PCDH15: variants seen among roughly 807,000 people sequenced by gnomAD.
PCDH15 encodes the protein protocadherin related 15, also known as protocadherin-15.
PCDH15 carries 129 observed loss-of-function variants against 178.5 expected under a neutral mutation model. That is an observed-to-expected ratio of 0.72 (90% CI 0.63 to 0.84). The LOEUF is 0.84. Ranked by LOEUF, PCDH15 falls within the 40% of genes least tolerant of loss-of-function variation. The probability of loss-of-function intolerance (pLI) is 0.00; values close to 1 mark genes in which losing one functional copy is unlikely to be tolerated. For missense variants in PCDH15, 2,230 were observed against 2,099.9 expected (o/e 1.06, Z -1.21); for synonymous variants, 800 against 732.0 (o/e 1.09, Z -1.50).
At chr10:54,062,257 A>AAAAAAAAAAAAAAAG (rs2094042936) in intron 18 of PCDH15, among the ~76,000 whole-genome samples, 1 of 107,522 alleles carries the variant, frequency 9.3e-6, no homozygotes, top group Non-Finnish European at 2.0e-5. Flanking sequence ...AAAAAACAAA[A>AAAAAAAAAAAAAAAG]AACAACTAAA....
intron 1 of PCDH15, among the ~76,000 whole-genome samples, chr10:54,742,709 G>T (rs1023680061): frequency 1.3e-5 from 2 of 151,962 alleles, no homozygotes; most frequent in African/African-American, 2.4e-5. Flanking sequence ...TTTCTTTAAG[G>T]CCTGCATTCT....
At chr10:54,628,128 AT>A (rs1453173473) in intron 2 of PCDH15, among the ~76,000 whole-genome samples, 1 of 152,164 alleles carries the variant, frequency 6.6e-6, no homozygotes, top group Non-Finnish European at 1.5e-5. Context: ...CTGTATTTTC[AT>A]AAGTTAGCAC....
intron 2 of PCDH15, among the ~76,000 whole-genome samples, chr10:55,380,102 C>T (rs931394755): frequency 1.3e-5 from 2 of 151,988 alleles, no homozygotes; most frequent in Admixed American, 6.6e-5. Context: ...CCAGAACTCA[C>T]ATGAGAAAAA....
intron 2 of PCDH15, among the ~76,000 whole-genome samples, chr10:55,459,253 G>T (rs1160868981): frequency 1.3e-5 from 1 of 75,202 alleles, no homozygotes; most frequent in Non-Finnish European, 2.5e-5. Flanking sequence ...AAGAAGGAAA[G>T]AAAAAAATAA....
chr10:54,257,379 G>A (rs907896108), intron 8 of PCDH15, among the ~76,000 whole-genome samples: 18 of 146,962 alleles, frequency 1.2e-4, no homozygotes, highest in Non-Finnish European at 1.9e-4. Context: ...CATAGGAGCT[G>A]TGTGAAATAA....
chr10:55,197,385 TTAAA>T (rs1408226914), intron 1 of PCDH15, among the ~76,000 whole-genome samples: 1 of 152,086 alleles, frequency 6.6e-6, no homozygotes, highest in Non-Finnish European at 1.5e-5. Flanking sequence ...CAGATTTTGA[TTAAA>T]TTTTCTATTG....
At chr10:55,076,605 G>T (rs928065230) in intron 2 of PCDH15, among the ~76,000 whole-genome samples, 1 of 150,504 alleles carries the variant, frequency 6.6e-6, no homozygotes, top group African/African-American at 2.4e-5. Flanking sequence ...CCACCATGGC[G>T]GCTAATTATT....
chr10:54,092,066 A>G (rs559941857), intron 15 of PCDH15, among the ~76,000 whole-genome samples: 1 of 152,170 alleles, frequency 6.6e-6, no homozygotes, highest in East Asian at 1.9e-4. Context: ...GACGTACCTC[A>G]AAAAATAAAA....
intron 25 of PCDH15, among the ~76,000 whole-genome samples, chr10:53,928,497 GAATT>G (rs1210586349): frequency 2.0e-5 from 3 of 151,912 alleles, no homozygotes; most frequent in East Asian, 1.9e-4. Flanking sequence ...CAATAATGAA[GAATT>G]AATTCTGATA....
intron 2 of PCDH15, among the ~76,000 whole-genome samples, chr10:55,098,592 G>A (rs749666641): frequency 1.2e-4 from 18 of 152,112 alleles, no homozygotes; most frequent in African/African-American, 3.4e-4. Context: ...GCCAAGCCAC[G>A]CTTTCAGTAA....
chr10:55,144,263 C>T (rs1427811248), intron 2 of PCDH15, among the ~76,000 whole-genome samples: 10 of 104,432 alleles, frequency 9.6e-5, no homozygotes, highest in Admixed American at 1.7e-4. Flanking sequence ...TCTTGTATTA[C>T]GGCTGAGAAA....
intron 15 of PCDH15, among the ~76,000 whole-genome samples, chr10:54,091,860 T>C (rs1212746736): frequency 6.6e-6 from 1 of 152,164 alleles, no homozygotes; most frequent in East Asian, 1.9e-4. Flanking sequence ...ACTTCACTTA[T>C]TTAGTCAACT....
At chr10:55,209,343 G>C (rs549049670) in intron 1 of PCDH15, among the ~76,000 whole-genome samples, 2 of 152,202 alleles carry the variant, frequency 1.3e-5, no homozygotes, top group South Asian at 4.1e-4. Flanking sequence ...TCTGAAGAGA[G>C]AGATGACTTG....
At chr10:55,277,580 C>CA (rs1842625333) in intron 1 of PCDH15, among the ~76,000 whole-genome samples, 2 of 152,060 alleles carry the variant, frequency 1.3e-5, no homozygotes, top group African/African-American at 4.8e-5. Context: ...TTCCTGGAAG[C>CA]ATACAAAACT....
intron 10 of PCDH15, among the ~76,000 whole-genome samples, chr10:54,211,464 C>A (rs1309208619): frequency 6.6e-6 from 1 of 152,044 alleles, no homozygotes; most frequent in East Asian, 1.9e-4. Context: ...AGTTTGTGAA[C>A]TATTCCATTT....
chr10:54,134,803 C>A (rs185554779), intron 14 of PCDH15, among the ~76,000 whole-genome samples: 2 of 150,980 alleles, frequency 1.3e-5, no homozygotes, highest in African/African-American at 2.4e-5. Flanking sequence ...ACTAAAATTT[C>A]GTTTTATAGC....
At chr10:53,917,111 CTA>C (rs1403996463) in intron 25 of PCDH15, among the ~76,000 whole-genome samples, 1 of 152,012 alleles carries the variant, frequency 6.6e-6, no homozygotes, top group Admixed American at 6.6e-5. Flanking sequence ...AATGAAATAA[CTA>C]TTGGAAAACA....
At chr10:54,731,563 T>TATATATATAC in intron 1 of PCDH15, among the ~76,000 whole-genome samples, 1 of 49,882 alleles carries the variant, frequency 2.0e-5, no homozygotes, top group Non-Finnish European at 5.3e-5. Flanking sequence ...TATATATATA[T>TATATATATAC]ACACACACAC....
At chr10:55,215,209 T>C (rs1011449092) in intron 1 of PCDH15, among the ~76,000 whole-genome samples, 5 of 152,092 alleles carry the variant, frequency 3.3e-5, no homozygotes, top group African/African-American at 1.2e-4. Flanking sequence ...AAAACAACAT[T>C]AAATATTTTA....
Sources: allele counts gnomAD v4.1 joint callset (sites outside exome capture counted in the v4.1 genomes callset), GRCh38; gene constraint gnomAD v4.1.1; transcripts MANE v1.5; gene names NCBI Gene and HGNC (gene_info 2026-07-23, HGNC 2026-07-21).